The following ATXN1 variants were observed in gnomAD, a reference collection of about 807,000 sequenced individuals.
ATXN1 encodes ataxin-1.
In ATXN1, 8 loss-of-function variants were observed where a neutral mutation model predicts 56.4. The ratio of observed to expected loss-of-function variants is 0.14; its 90% CI spans 0.08 to 0.26. The LOEUF is 0.26. Ranked by LOEUF, ATXN1 falls within the 10% of genes least tolerant of loss-of-function variation. The probability of loss-of-function intolerance (pLI) is 1.00; values close to 1 mark genes in which losing one functional copy is unlikely to be tolerated. For missense variants in ATXN1, 987 were observed against 1,106.5 expected, an observed-to-expected ratio of 0.89 and a Z score of 1.53; for synonymous variants, 514 against 494.6, an observed-to-expected ratio of 1.04 and a Z score of -0.52.
chr6:16,418,690 T>C (rs1417538724), intron 6 of ATXN1, among the ~76,000 whole-genome samples: 1 of 144,304 alleles, frequency 6.9e-6, no homozygotes, highest in African/African-American at 2.5e-5. Flanking sequence ...GTATATCTCC[T>C]AATGCTGTCC....
chr6:16,698,197 C>G (rs1759207151), intron 2 of ATXN1, among the ~76,000 whole-genome samples: 1 of 152,214 alleles, frequency 6.6e-6, no homozygotes, highest in Admixed American at 6.5e-5. Flanking sequence ...TAAACAGCAC[C>G]TAAAGAACCT....
chr6:16,753,401 G>C, intron 1 of ATXN1, 54 bp from the exon 2 acceptor site: 1 of 453,954 alleles, frequency 2.2e-6, no homozygotes, highest in Non-Finnish European at 4.4e-6. Flanking sequence ...AAACAGAATA[G>C]ACTGCTTTAA....
intron 2 of ATXN1, 112 bp downstream of exon 2, chr6:16,753,121 A>C (rs10456791): frequency 0.07 from 26,922 of 385,930 alleles, 1,052 homozygotes; most frequent in East Asian, 0.13. Flanking sequence ...AGAGTTTGCA[A>C]AGAAAATGAT....
intron 2 of ATXN1, chr6:16,738,105 C>T (rs1336886895): frequency 1.3e-5 from 2 of 152,104 alleles, no homozygotes; most frequent in Non-Finnish European, 2.9e-5. Flanking sequence ...TCATACAGGC[C>T]ACGAAGAGCC....
chr6:16,421,157 C>T lies in ATXN1; in HGVS notation c.-161+64815G>A, dbSNP rs555281777. Among the ~76,000 whole-genome samples the T allele has an allele frequency of 7.2e-5, 11 of 152,246 alleles. 1 individual carries two copies. The highest frequency in any genetic ancestry group is 2.6e-4 in the African/African-American group (11 of 41,542). ...TATTAGGTTCTTCCAACTTAAGTTG[C>T]CAGGGTAGCATGAGCTTTTTAAAAA... On this transcript the variant is annotated intron_variant, in intron 6 of 7. Transcript: ENST00000436367.
intron 6 of ATXN1, among the ~76,000 whole-genome samples, chr6:16,484,120 G>C (rs1760492784): frequency 6.6e-6 from 1 of 152,128 alleles, no homozygotes; most frequent in East Asian, 1.9e-4. Context: ...CCTAAACCAA[G>C]ATGCTGATTG....
chr6:16,566,721 T>C (rs236946), intron 4 of ATXN1, among the ~76,000 whole-genome samples: 2 of 151,264 alleles, frequency 1.3e-5, no homozygotes, highest in African/African-American at 4.9e-5. Flanking sequence ...CCGGGCATGG[T>C]GGTGGGTTCC....
intron 2 of ATXN1, among the ~76,000 whole-genome samples, chr6:16,682,070 T>G (rs1758823789): frequency 6.6e-6 from 1 of 152,122 alleles, no homozygotes; most frequent in Non-Finnish European, 1.5e-5. Flanking sequence ...TGCCAACATC[T>G]GTATCTGAAC....
chr6:16,543,276 CCTT>C (rs1362147854), intron 4 of ATXN1, among the ~76,000 whole-genome samples: 2 of 152,122 alleles, frequency 1.3e-5, no homozygotes, highest in Non-Finnish European at 2.9e-5. Context: ...CCACCACTTT[CCTT>C]ATAAAAAGTA....
chr6:16,322,152 A>G (rs1454964214), intron 7 of ATXN1, among the ~76,000 whole-genome samples: 4 of 152,112 alleles, frequency 2.6e-5, no homozygotes, highest in Admixed American at 1.3e-4. Context: ...TGAGTCCAGG[A>G]GGTTGAGGCT....
rs536751577 is a variant in ATXN1, at chr6:16,668,788, TTTTTA to T, written c.-614-10892_-614-10888del. On this transcript the variant is annotated intron_variant, in intron 2 of 7. Transcript: ENST00000436367. Reference sequence around the variant, plus strand: ...TGGAGCTTTTATTATTTTATTTTATTTTTTATTTTATTTTATTTTATTTACTTTAT... The same window carrying T: ...TGGAGCTTTTATTATTTTATTTTATTTTTTATTTTATTTTATTTACTTTAT... Among the ~76,000 whole-genome samples, 378 of 151,888 alleles carry T rather than the reference TTTTTA, an allele frequency of 2.5e-3. 1 individual carries two copies. Among genetic ancestry groups the T allele is most frequent in the African/African-American group, 8.3e-3 (344 of 41,472 alleles).
At chr6:16,403,192 C>T (rs1428124004) in intron 6 of ATXN1, among the ~76,000 whole-genome samples, 1 of 152,116 alleles carries the variant, frequency 6.6e-6, no homozygotes, top group Non-Finnish European at 1.5e-5. Context: ...CTGCCACATC[C>T]CAAACCTAGC....
At chr6:16,508,332 A>G (rs1239655846) in intron 5 of ATXN1, among the ~76,000 whole-genome samples, 1 of 152,240 alleles carries the variant, frequency 6.6e-6, no homozygotes, top group African/African-American at 2.4e-5. Context: ...AAATTAATGT[A>G]TATATTATTT....
intron 4 of ATXN1, among the ~76,000 whole-genome samples, chr6:16,561,016 T>C (rs183791222): frequency 5.3e-4 from 81 of 152,266 alleles, no homozygotes; most frequent in Non-Finnish European, 1.2e-4. Context: ...TGGGAGTGAG[T>C]AATTAGTGTG....
At chr6:16,522,328 T>G (rs973858975) in intron 5 of ATXN1, among the ~76,000 whole-genome samples, 1 of 152,242 alleles carries the variant, frequency 6.6e-6, no homozygotes, top group African/African-American at 2.4e-5. Context: ...CACCAGTTGC[T>G]GAGGGAAAGA....
chr6:16,486,517 C>T (rs1189063046), intron 5 of ATXN1, among the ~76,000 whole-genome samples: 6 of 152,146 alleles, frequency 3.9e-5, no homozygotes, highest in Non-Finnish European at 8.8e-5. Flanking sequence ...AGAAGAAATC[C>T]ACTATGTTAA....
rs182979963 is a variant in ATXN1 at position 16,620,580 on chromosome 6, G to A, written c.-488-34673C>T. 2.6e-5 allele frequency among the ~76,000 whole-genome samples: 4 copies of A among 152,256 alleles called. No homozygotes were observed. In the East Asian group the frequency reaches 7.7e-4, roughly 29 times the overall value. ...GCAATCTTTAATATGCATCTTTAAGGAGATCATCTGAGTTTGGTCAACCCA... is the reference window on the plus strand; with the variant it reads ...GCAATCTTTAATATGCATCTTTAAGAAGATCATCTGAGTTTGGTCAACCCA... On this transcript the variant is annotated intron_variant, in intron 3 of 7. Coordinates refer to ENST00000436367, the MANE Select transcript of ATXN1 (RefSeq NM_001128164.2).
chr6:16,377,761 AAGC>A (rs1322848509), intron 6 of ATXN1, among the ~76,000 whole-genome samples: 1 of 152,246 alleles, frequency 6.6e-6, no homozygotes, highest in African/African-American at 2.4e-5. Context: ...AAGATGAGCA[AAGC>A]AGTTACCAAA....
chr6:16,332,490 G>A (rs868055259), intron 6 of ATXN1, among the ~76,000 whole-genome samples: 1 of 152,306 alleles, frequency 6.6e-6, no homozygotes, highest in South Asian at 2.1e-4. Context: ...TGGCCTCTGT[G>A]TCCTGAATTG....
Sources: gnomAD v4.1 joint callset for allele counts (sites outside exome capture counted in the v4.1 genomes callset) on GRCh38, gnomAD v4.1.1 for gene constraint, MANE v1.5 for transcripts, NCBI Gene and HGNC (gene_info 2026-07-23, HGNC 2026-07-21) for gene names.